The following TMEM39B variants were observed in gnomAD, a reference collection of about 807,000 sequenced individuals.
The protein encoded by TMEM39B is transmembrane protein 39B.
In TMEM39B, 23 loss-of-function variants were observed where a neutral mutation model predicts 52.2. The ratio of observed to expected loss-of-function variants is 0.44; its 90% confidence interval spans 0.32 to 0.62. The LOEUF (loss-of-function observed/expected upper bound fraction) is 0.62. TMEM39B is among the 20% of genes least tolerant of loss of function. The probability of loss-of-function intolerance (pLI) is 0.06; values close to 1 mark genes in which losing one functional copy is unlikely to be tolerated. For synonymous variants in TMEM39B, 285 were observed against 264.0 expected, an observed-to-expected ratio of 1.08 and a Z score of -0.77; for missense variants, 547 against 642.0, an observed-to-expected ratio of 0.85 and a Z score of 1.60.
chr1:32,094,754 C>CA (rs1218457996), intron 6 of TMEM39B, 30 bp from the exon 7 acceptor site: 1 of 1,612,174 alleles, frequency 6.2e-7, no homozygotes, highest in South Asian at 1.1e-5. Flanking sequence ...ATGGGGATCC[C>CA]AGGCCTCACC....
chr1:32,084,639 A>G (rs1436163687), intron 5 of TMEM39B, among the ~76,000 whole-genome samples: 1 of 151,964 alleles, frequency 6.6e-6, no homozygotes, highest in Non-Finnish European at 1.5e-5. Flanking sequence ...ACACGATCTC[A>G]GCTCACTGCA....
intron 5 of TMEM39B, among the ~76,000 whole-genome samples, chr1:32,084,209 A>G (rs1640239968): frequency 6.6e-6 from 1 of 151,922 alleles, no homozygotes; most frequent in Non-Finnish European, 1.5e-5. Context: ...CCTCAAGTTT[A>G]TCCAGCCTCT....
chr1:32,080,122 T>G (rs1030427302), intron 5 of TMEM39B, among the ~76,000 whole-genome samples: 5 of 151,748 alleles, frequency 3.3e-5, no homozygotes, highest in African/African-American at 1.2e-4. Context: ...TCTCCTGACC[T>G]CGTGATCCGC....
intron 5 of TMEM39B, among the ~76,000 whole-genome samples, chr1:32,088,285 C>A (rs981095380): frequency 6.6e-6 from 1 of 150,512 alleles, no homozygotes; most frequent in Non-Finnish European, 1.5e-5. Flanking sequence ...GGTATAGTGG[C>A]GGGCGCCTGT....
At position 32,102,831 on chromosome 1, in the gene TMEM39B, A is replaced by G. The variant is rs1286938131; in HGVS notation, c.*158A>G. On this transcript the variant is annotated 3_prime_UTR_variant, in exon 9 of 9. Transcript: ENST00000336294. ...TACTGTTTCTTTGATAATTGATGTG[A>G]TAAGGAAAAAAGTCCTATTTTTATA... The G allele has an allele frequency of 4.6e-6, 4 of 872,404 alleles. No homozygotes were observed. The highest frequency in any genetic ancestry group is 6.3e-6 in the Non-Finnish European group (4 of 635,012). 54.0% of individuals were successfully genotyped at this position (872,404 alleles called of 1,614,324 possible). A position where few individuals can be genotyped will look rare whatever the true frequency, so the allele number is the denominator to read the frequency against.
chr1:32,092,023 A>C lies in TMEM39B; in HGVS notation c.927+12A>C. On this transcript the variant is annotated intron_variant, in intron 6 of 8. Transcript: ENST00000336294. Reference sequence around the variant, plus strand: ...TCTGGTTCGTGAAGGTGCGTACCTCAAGCCAGGGAGGGAAAGGGACTAGCT... The same window carrying C: ...TCTGGTTCGTGAAGGTGCGTACCTCCAGCCAGGGAGGGAAAGGGACTAGCT... 2 of 1,608,132 alleles carry C rather than the reference A, an allele frequency of 1.2e-6. No homozygotes were observed. The highest frequency in any genetic ancestry group is 1.7e-6 in the Non-Finnish European group (2 of 1,176,070).
chr1:32,102,305 C>A (rs1474463992), intron 8 of TMEM39B, 126 bp from the exon 9 acceptor site: 3 of 1,330,606 alleles, frequency 2.3e-6, no homozygotes, highest in East Asian at 2.4e-5. Context: ...AGAAAGTCTT[C>A]TTCCCCACCC....
chr1:32,077,045 C>G, intron 4 of TMEM39B, 119 bp from the exon 5 acceptor site: 1 of 1,447,524 alleles, frequency 6.9e-7, no homozygotes, highest in Non-Finnish European at 9.5e-7. Context: ...CAGGTTCTGC[C>G]CAGCCTGCTG....
In TMEM39B at chr1:32,075,089, C is replaced by T. The variant is rs1467410792; in HGVS notation, c.131+12C>T. The T allele has an allele frequency of 6.5e-7, 1 of 1,546,638 alleles. No individual in the cohort carries two copies. Among genetic ancestry groups the T allele is most frequent in the East Asian group, 2.4e-5 (1 of 40,834 alleles). On this transcript the variant is annotated intron_variant, in intron 2 of 8. Coordinates refer to ENST00000336294, the MANE Select transcript of TMEM39B (RefSeq NM_018056.4). ...CGTTCCCGCACCAGGTAAACCACCT[C>T]TCTGTCTCACCCCTCACTGTGGCCT...
chr1:32,092,026 C>G lies in TMEM39B; in HGVS notation c.927+15C>G, dbSNP rs767373125. 4 of 1,606,604 alleles carry G rather than the reference C, an allele frequency of 2.5e-6. No homozygotes were observed. In the Admixed American group the frequency reaches 5.0e-5, roughly 20 times the overall value. On this transcript the variant is annotated intron_variant, in intron 6 of 8. Transcript: ENST00000336294. ...GGTTCGTGAAGGTGCGTACCTCAAG[C>G]CAGGGAGGGAAAGGGACTAGCTGGG...
At chr1:32,080,268 A>G (rs989468640) in intron 5 of TMEM39B, among the ~76,000 whole-genome samples, 1 of 152,204 alleles carries the variant, frequency 6.6e-6, no homozygotes, top group Non-Finnish European at 1.5e-5. Flanking sequence ...GTATCTCTGC[A>G]CAGTAGATTC....
chr1:32,077,905 C>G (rs1464229009), intron 5 of TMEM39B, among the ~76,000 whole-genome samples: 1 of 152,162 alleles, frequency 6.6e-6, no homozygotes, highest in African/African-American at 2.4e-5. Context: ...GAGACTGTTT[C>G]GGGGATGTGC....
intron 8 of TMEM39B, among the ~76,000 whole-genome samples, chr1:32,101,231 A>G (rs1641007674): frequency 6.6e-6 from 1 of 152,096 alleles, no homozygotes; most frequent in Non-Finnish European, 1.5e-5. Flanking sequence ...TGAACCTTGT[A>G]CGTGAAAGAT....
chr1:32,092,051 G>C, intron 6 of TMEM39B, 40 bp downstream of exon 6: 1 of 1,573,742 alleles, frequency 6.4e-7, no homozygotes. Flanking sequence ...GACTAGCTGG[G>C]ACTTTACCCT....
At chr1:32,096,399 T>C (rs1466292209) in intron 7 of TMEM39B, among the ~76,000 whole-genome samples, 1 of 151,790 alleles carries the variant, frequency 6.6e-6, no homozygotes, top group African/African-American at 2.4e-5. Flanking sequence ...GGACTAAAAG[T>C]TCACAAAGGT....
At chr1:32,086,124 T>C (rs1193068883) in intron 5 of TMEM39B, among the ~76,000 whole-genome samples, 1 of 152,106 alleles carries the variant, frequency 6.6e-6, no homozygotes, top group Non-Finnish European at 1.5e-5. Flanking sequence ...TCAATTTCTT[T>C]AGAAAAGAAT....
intron 5 of TMEM39B, among the ~76,000 whole-genome samples, chr1:32,083,405 A>ACCT (rs1640198378): frequency 1.1e-5 from 1 of 87,216 alleles, no homozygotes; most frequent in East Asian, 3.5e-4. Flanking sequence ...TTTTTAAAGG[A>ACCT]CTTCTTTTTT....
chr1:32,100,165 G>C (rs535038642), intron 7 of TMEM39B, among the ~76,000 whole-genome samples: 3 of 152,298 alleles, frequency 2.0e-5, no homozygotes, highest in Admixed American at 2.0e-4. Flanking sequence ...GGTGAGACCA[G>C]ATGAAGCAAA....
chr1:32,088,303 G>A (rs990969233), intron 5 of TMEM39B, among the ~76,000 whole-genome samples: 3 of 150,702 alleles, frequency 2.0e-5, no homozygotes, highest in African/African-American at 7.3e-5. Context: ...TGTAGTCCCA[G>A]CTACTCGGGA....
Sources: gnomAD v4.1 joint callset for allele counts (sites outside exome capture counted in the v4.1 genomes callset) on GRCh38, gnomAD v4.1.1 for gene constraint, MANE v1.5 for transcripts, NCBI Gene and HGNC (gene_info 2026-07-23, HGNC 2026-07-21) for gene names.